SEM1: variants seen among roughly 807,000 people sequenced by gnomAD.
SEM1 encodes the protein 26S proteasome complex subunit SEM1.
A neutral mutation model predicts 12.7 loss-of-function variants in SEM1; 3 were observed. That is an observed-to-expected ratio of 0.24 (90% CI 0.11 to 0.61). The LOEUF (loss-of-function observed/expected upper bound fraction) is 0.61, where lower values mean the gene tolerates loss of function less well. SEM1 is among the 20% of genes least tolerant of loss of function. The pLI is 0.88. For missense variants in SEM1, 59 were observed against 81.3 expected, an observed-to-expected ratio of 0.73 and a Z score of 1.06; for synonymous variants, 30 against 27.8, an observed-to-expected ratio of 1.08 and a Z score of -0.25.
At chr7:96,567,954 T>TCACA (rs565620658) in intron 2 of SEM1, among the ~76,000 whole-genome samples, 1,976 of 149,698 alleles carry the variant, frequency 0.013, 39 homozygotes, top group African/African-American at 0.046. Context: ...ACACACACAC[T>TCACA]CACACACACA....
intron 1 of SEM1, among the ~76,000 whole-genome samples, chr7:96,707,351 T>C (rs1282410309): frequency 6.6e-6 from 1 of 152,266 alleles, no homozygotes; most frequent in African/African-American, 2.4e-5. Context: ...ACAACTTTCA[T>C]GAGTAAATAT....
At chr7:96,492,585 ATTTTTTTTTTTTTTTT>A (rs59252542) in intron 1 of SEM1, among the ~76,000 whole-genome samples, 1 of 79,676 alleles carries the variant, frequency 1.3e-5, no homozygotes, top group Non-Finnish European at 2.2e-5. Context: ...AATTTTTTGT[ATTTTTTTTTTTTTTTT>A]TTTTTTTTTT....
At chr7:96,508,544 A>G (rs1803828115) in intron 2 of SEM1, among the ~76,000 whole-genome samples, 1 of 152,146 alleles carries the variant, frequency 6.6e-6, no homozygotes, top group South Asian at 2.1e-4. Context: ...TTATGTATTA[A>G]ATCATGTTGC....
intron 2 of SEM1, among the ~76,000 whole-genome samples, chr7:96,564,415 C>CA (rs907150241): frequency 1.8e-4 from 26 of 145,288 alleles, no homozygotes; most frequent in African/African-American, 4.3e-4. Context: ...TGATGCCATC[C>CA]AAAAAAAAAA....
chr7:96,486,135 A>G (rs1802745787), intron 2 of SEM1: 3 of 1,215,318 alleles, frequency 2.5e-6, no homozygotes, highest in South Asian at 1.4e-5. Context: ...ATCTGGTGTC[A>G]AAGACTTAGA....
rs143209307 is a variant in SEM1, at chr7:96,524,722, T to A, written c.171-18024A>T. 2.0e-5 allele frequency among the ~76,000 whole-genome samples: 3 copies of A among 152,200 alleles called. No individual in the cohort carries two copies. In the East Asian group the frequency reaches 5.8e-4, roughly 29 times the overall value. On this transcript the variant is annotated intron_variant and NMD_transcript_variant, in intron 2 of 3. Transcript: ENST00000466986. ...AAATTATTGATGAGATGTTTTACAA[T>A]CTTATTTCATGCTAGATTTTCAACA...
At chr7:96,544,604 A>C (rs114508635) in intron 2 of SEM1, among the ~76,000 whole-genome samples, 3,319 of 152,078 alleles carry the variant, frequency 0.022, 103 homozygotes, top group African/African-American at 0.075. Flanking sequence ...AGGAGTACTG[A>C]CCTACCTTGC....
chr7:96,685,265 C>T (rs1271612128), downstream of SEM1, among the ~76,000 whole-genome samples: 1 of 151,910 alleles, frequency 6.6e-6, no homozygotes, highest in Non-Finnish European at 1.5e-5. Context: ...ATGCCAAGGC[C>T]TAATGAAAAA....
intron 2 of SEM1, among the ~76,000 whole-genome samples, chr7:96,644,777 T>C (rs917421718): frequency 3.3e-5 from 5 of 152,120 alleles, no homozygotes; most frequent in Admixed American, 3.3e-4. Flanking sequence ...ACCTTAATGC[T>C]AGGTTTCTAT....
chr7:96,536,778 T>A (rs1804799592), intron 2 of SEM1, among the ~76,000 whole-genome samples: 2 of 151,714 alleles, frequency 1.3e-5, no homozygotes, highest in South Asian at 4.1e-4. Flanking sequence ...TCTTTCTCCA[T>A]CTCTATATTT....
intron 2 of SEM1, among the ~76,000 whole-genome samples, chr7:96,668,021 G>A (rs373266604): frequency 4.3e-4 from 66 of 152,254 alleles, no homozygotes; most frequent in African/African-American, 1.5e-3. Context: ...CAGACCTGTG[G>A]AGGTGGAAAC....
intron 2 of SEM1, among the ~76,000 whole-genome samples, chr7:96,536,407 A>G (rs1489367748): frequency 6.6e-6 from 1 of 151,806 alleles, no homozygotes; most frequent in South Asian, 2.1e-4. Flanking sequence ...TGGTAGGAGC[A>G]TTCTATAGAT....
At chr7:96,573,915 T>G (rs1806119039) in intron 2 of SEM1, among the ~76,000 whole-genome samples, 1 of 140,784 alleles carries the variant, frequency 7.1e-6, no homozygotes, top group African/African-American at 2.5e-5. Context: ...TTTGGTCTTT[T>G]CACATGGTCC....
At chr7:96,491,289 A>G (rs1468778663) in intron 1 of SEM1, among the ~76,000 whole-genome samples, 1 of 152,228 alleles carries the variant, frequency 6.6e-6, no homozygotes, top group African/African-American at 2.4e-5. Flanking sequence ...ATGATATTTT[A>G]AAAATTCTTT....
chr7:96,706,594 A>AAAAAAAAAAG (rs1563122448), intron 1 of SEM1, among the ~76,000 whole-genome samples: 11 of 123,468 alleles, frequency 8.9e-5, no homozygotes, highest in African/African-American at 2.2e-4. Flanking sequence ...AAAAAAAAAA[A>AAAAAAAAAAG]AGAGAGAGAG....
intron 2 of SEM1, among the ~76,000 whole-genome samples, chr7:96,517,789 G>A (rs1488699940): frequency 1.3e-5 from 2 of 152,028 alleles, no homozygotes; most frequent in Non-Finnish European, 2.9e-5. Flanking sequence ...TATATGTTTA[G>A]TTAACGTTTA....
At chr7:96,707,140 G>T (rs1471044850) in intron 1 of SEM1, among the ~76,000 whole-genome samples, 1 of 152,206 alleles carries the variant, frequency 6.6e-6, no homozygotes, top group African/African-American at 2.4e-5. Flanking sequence ...GTCTAGGTTT[G>T]AGGAATGATG....
At chr7:96,699,255 T>C (rs1343096849) in intron 1 of SEM1, among the ~76,000 whole-genome samples, 1 of 152,178 alleles carries the variant, frequency 6.6e-6, no homozygotes, top group Non-Finnish European at 1.5e-5. Flanking sequence ...TGTGGCATCA[T>C]TCTCTTCACT....
At chr7:96,551,898 T>A (rs1805290072) in intron 2 of SEM1, among the ~76,000 whole-genome samples, 1 of 152,088 alleles carries the variant, frequency 6.6e-6, no homozygotes, top group African/African-American at 2.4e-5. Context: ...GCCAACACAT[T>A]TATTTCAGAC....
Sources: gnomAD v4.1 joint callset for allele counts (sites outside exome capture counted in the v4.1 genomes callset) on GRCh38, gnomAD v4.1.1 for gene constraint, MANE v1.5 for transcripts, NCBI Gene and HGNC (gene_info 2026-07-23, HGNC 2026-07-21) for gene names.